Variants in NRXN2 observed in about 807,000 individuals in gnomAD.
NRXN2 encodes neurexin-2-beta.
Under a neutral mutation model 128.8 loss-of-function variants are expected in NRXN2, and 29 were observed. The observed-to-expected ratio is 0.23, with a 90% CI of 0.17 to 0.31. The LOEUF is 0.31. Ranked by LOEUF, NRXN2 falls within the 10% of genes least tolerant of loss-of-function variation. NRXN2 has a pLI of 1.00. For missense variants in NRXN2, 1,881 were observed against 2,452.6 expected (o/e 0.77, Z 4.92); for synonymous variants, 1,098 against 1,075.2 (o/e 1.02, Z -0.41).
At chr11:64,687,700 G>A (rs1172968546) in intron 5 of NRXN2, among the ~76,000 whole-genome samples, 1 of 152,186 alleles carries the variant, frequency 6.6e-6, no homozygotes, top group Non-Finnish European at 1.5e-5. Context: ...GAGAACCATC[G>A]CAGAGACAGA....
chr11:64,711,265 TG>T (rs1565473628), intron 2 of NRXN2, among the ~76,000 whole-genome samples: 1 of 152,064 alleles, frequency 6.6e-6, no homozygotes, highest in South Asian at 2.1e-4. Flanking sequence ...CCTCTGACTC[TG>T]GGGGGACGGA....
At chr11:64,633,326 A>G (rs1489028998) in intron 18 of NRXN2, among the ~76,000 whole-genome samples, 1 of 152,214 alleles carries the variant, frequency 6.6e-6, no homozygotes, top group East Asian at 1.9e-4. Context: ...TGGTCGGGAT[A>G]CTAGCTAACA....
In NRXN2 at chr11:64,672,779, G is replaced by A. The variant is rs576432308; in HGVS notation, c.1198-4175C>T. Among the ~76,000 whole-genome samples the A allele has an allele frequency of 9.9e-5, 15 of 152,264 alleles. No homozygotes were observed. The South Asian group carries it at 2.7e-3, about 27-fold the overall frequency. ...CAAGTCCTGCTAAGGGTTTGGGTTAGCTACCTGTTCAATGAGAGGGCAGAA... is the reference window on the plus strand; with the variant it reads ...CAAGTCCTGCTAAGGGTTTGGGTTAACTACCTGTTCAATGAGAGGGCAGAA... On this transcript the variant is annotated intron_variant, in intron 7 of 22. Transcript: ENST00000265459.
chr11:64,699,425 CTTTTTTTTTTTT>C (rs67776872), intron 2 of NRXN2, among the ~76,000 whole-genome samples: 2 of 92,122 alleles, frequency 2.2e-5, no homozygotes, highest in Non-Finnish European at 3.8e-5. Flanking sequence ...TAATAGTTTT[CTTTTTTTTTTTT>C]TTTTTTTTTT....
intron 5 of NRXN2, among the ~76,000 whole-genome samples, chr11:64,686,378 T>C (rs138924177): frequency 7.4e-4 from 112 of 152,104 alleles, no homozygotes; most frequent in African/African-American, 2.6e-3. Flanking sequence ...TCCTCAAGGG[T>C]CTCCTACGCA....
At chr11:64,676,967 G>A (rs749850737) in intron 7 of NRXN2, 26 bp downstream of exon 7, 13 of 1,607,100 alleles carry the variant, frequency 8.1e-6, no homozygotes, top group African/African-American at 4.0e-5. Flanking sequence ...CAAACCAAAC[G>A]GTAAGACAAT....
At chr11:64,653,663 G>A (rs2047814522) in intron 12 of NRXN2, 33 bp downstream of exon 12, 4 of 1,584,690 alleles carry the variant, frequency 2.5e-6, no homozygotes, top group Non-Finnish European at 3.4e-6. Flanking sequence ...CAGTCCCCTT[G>A]GGTCTCTGCA....
chr11:64,647,882 C>T (rs893860063), intron 17 of NRXN2, among the ~76,000 whole-genome samples: 8 of 152,228 alleles, frequency 5.3e-5, no homozygotes, highest in African/African-American at 1.7e-4. Context: ...ACCAAAACTA[C>T]ACAGGACAGC....
At chr11:64,690,789 G>A (rs2053701831) in intron 4 of NRXN2, among the ~76,000 whole-genome samples, 1 of 152,234 alleles carries the variant, frequency 6.6e-6, no homozygotes, top group Middle Eastern at 3.4e-3. Context: ...CCCACAGCAG[G>A]CAAACAGGCC....
chr11:64,683,696 T>C, intron 6 of NRXN2, among the ~76,000 whole-genome samples: 1 of 152,178 alleles, frequency 6.6e-6, no homozygotes, highest in East Asian at 1.9e-4. Flanking sequence ...CCAAAGTCTT[T>C]AAGCAGACAC....
chr11:64,644,607 C>T (rs2046353006), intron 17 of NRXN2, among the ~76,000 whole-genome samples: 1 of 152,154 alleles, frequency 6.6e-6, no homozygotes, highest in Non-Finnish European at 1.5e-5. Flanking sequence ...ACTCCTTTCC[C>T]GTCACCGGGT....
intron 1 of NRXN2, among the ~76,000 whole-genome samples, chr11:64,722,177 C>G (rs1241978886): frequency 6.6e-6 from 1 of 151,958 alleles, no homozygotes; most frequent in African/African-American, 2.4e-5. Flanking sequence ...GCCAAGGGCC[C>G]TGCAGCTTCC....
chr11:64,703,787 A>G lies in NRXN2; in HGVS notation c.731-5995T>C, dbSNP rs1045560199. On this transcript the variant is annotated intron_variant, in intron 2 of 22. Transcript: ENST00000265459. ...TCCCTGACCACTAGAGCTAATAACC[A>G]TAGTACCATTTATTGATCACTCAGA... 3.3e-5 allele frequency among the ~76,000 whole-genome samples: 5 copies of G among 152,290 alleles called. No individual in the cohort carries two copies. The South Asian group carries it at 6.2e-4, about 19-fold the overall frequency.
intron 7 of NRXN2, among the ~76,000 whole-genome samples, chr11:64,669,277 C>A (rs1436263746): frequency 6.6e-6 from 1 of 152,192 alleles, no homozygotes; most frequent in Non-Finnish European, 1.5e-5. Context: ...ACTTCTAGCC[C>A]TTTCCTGAGT....
Position 64,713,458 on chromosome 11 carries a change from A to C in NRXN2, c.242T>G (p.Leu81Arg). ...CAGCCGCAGGCGGCCGTCCACCAGC[A>C]GCAGCTCCAGGAAGTCGCAGTCGCC... ...DGGDCDFLEL[L>R]LVDGRLRLRF... Residue 81 changes from leucine to arginine, a missense_variant, in exon 2 of 23, where the codon CTG becomes CGG. Leu to Arg is a moderately radical substitution (Grantham distance 102). Around this residue, in one of 7 missense-constraint regions of NRXN2, gnomAD observed 997 missense variants for 1,240.8 expected, o/e 0.80. Coordinates refer to ENST00000265459, the MANE Select transcript of NRXN2 (RefSeq NM_015080.4). 2 of 1,527,112 alleles carry C rather than the reference A, an allele frequency of 1.3e-6. No individual in the cohort carries two copies. The highest frequency in any genetic ancestry group is 1.7e-6 in the Non-Finnish European group (2 of 1,146,456). 94.6% of individuals were successfully genotyped at this position (1,527,112 alleles called of 1,614,324 possible). A position where few individuals can be genotyped will look rare whatever the true frequency, so the allele number is the denominator to read the frequency against.
At chr11:64,716,541 G>A (rs908093423) in intron 1 of NRXN2, among the ~76,000 whole-genome samples, 2 of 152,204 alleles carry the variant, frequency 1.3e-5, no homozygotes, top group Non-Finnish European at 2.9e-5. Context: ...CTACTGGTCC[G>A]TGTGGAGGGA....
intron 17 of NRXN2, among the ~76,000 whole-genome samples, chr11:64,643,671 C>G (rs975930444): frequency 1.3e-5 from 2 of 151,302 alleles, no homozygotes; most frequent in African/African-American, 2.4e-5. Flanking sequence ...GAGCGGCTCC[C>G]GATCTGCGGG....
At chr11:64,698,705 C>T (rs2135609667) in intron 2 of NRXN2, among the ~76,000 whole-genome samples, 1 of 152,328 alleles carries the variant, frequency 6.6e-6, no homozygotes, top group East Asian at 1.9e-4. Context: ...CTATTAGGGC[C>T]CTGCCTGGAT....
chr11:64,674,138 A>G (rs1349646818), intron 7 of NRXN2, among the ~76,000 whole-genome samples: 1 of 151,448 alleles, frequency 6.6e-6, no homozygotes, highest in East Asian at 1.9e-4. Context: ...CTCAGCCTTG[A>G]GTAGCTGAAA....
Sources: gnomAD v4.1 joint callset for allele counts (sites outside exome capture counted in the v4.1 genomes callset) on GRCh38, gnomAD v4.1.1 for gene constraint, gnomAD v4.1.1 regional missense constraint, MANE v1.5 for transcripts, NCBI Gene and HGNC (gene_info 2026-07-23, HGNC 2026-07-21) for gene names.